Variants in XRCC4 observed in about 807,000 individuals in gnomAD.
XRCC4 encodes DNA repair protein XRCC4.
Under a neutral mutation model 39.1 loss-of-function variants are expected in XRCC4, and 28 were observed. That is an observed-to-expected ratio of 0.72 (90% confidence interval 0.53 to 0.98). The LOEUF is 0.98. XRCC4 is among the 50% of genes least tolerant of loss of function. XRCC4 has a pLI of 0.00. For missense variants in XRCC4, 350 were observed against 376.4 expected, an observed-to-expected ratio of 0.93 and a Z score of 0.58; for synonymous variants, 123 against 126.4, an observed-to-expected ratio of 0.97 and a Z score of 0.18.
chr5:83,251,226 A>T (rs1303086413), intron 6 of XRCC4, among the ~76,000 whole-genome samples: 2 of 152,182 alleles, frequency 1.3e-5, no homozygotes, highest in African/African-American at 2.4e-5. Flanking sequence ...AAGTTTTAAG[A>T]AACAATTTTA....
intron 1 of XRCC4, among the ~76,000 whole-genome samples, chr5:83,097,473 A>G (rs184858326): frequency 4.0e-5 from 6 of 149,372 alleles, no homozygotes; most frequent in Admixed American, 2.6e-4. Flanking sequence ...GAGTGGGGGG[A>G]AAAAAGTACA....
intron 6 of XRCC4, among the ~76,000 whole-genome samples, chr5:83,256,923 A>G (rs1753563055): frequency 6.6e-6 from 1 of 152,180 alleles, no homozygotes. Flanking sequence ...GATAGTAATA[A>G]TAAGTACTTT....
At chr5:83,105,720 G>C (rs1418132337) in intron 2 of XRCC4, among the ~76,000 whole-genome samples, 2 of 151,988 alleles carry the variant, frequency 1.3e-5, no homozygotes, top group Non-Finnish European at 2.9e-5. Flanking sequence ...CTCTTCTAAA[G>C]TATCTTATTG....
chr5:83,188,947 A>G (rs1750573893), intron 3 of XRCC4, among the ~76,000 whole-genome samples: 2 of 152,206 alleles, frequency 1.3e-5, no homozygotes, highest in South Asian at 2.1e-4. Flanking sequence ...AAGATTCTGT[A>G]TAGAAGGAAT....
At chr5:83,285,288 TG>T (rs1754694346) in intron 7 of XRCC4, among the ~76,000 whole-genome samples, 1 of 152,126 alleles carries the variant, frequency 6.6e-6, no homozygotes, top group South Asian at 2.1e-4. Flanking sequence ...CTGGGGTATG[TG>T]GGGCTGGAAT....
chr5:83,282,810 C>T (rs1754593172), intron 7 of XRCC4, among the ~76,000 whole-genome samples: 1 of 151,886 alleles, frequency 6.6e-6, no homozygotes, highest in Non-Finnish European at 1.5e-5. Flanking sequence ...CCACTGCACT[C>T]CAGCCTGGGC....
chr5:83,130,644 A>C lies in XRCC4; in HGVS notation c.315+19441A>C, dbSNP rs570117763. Among the ~76,000 whole-genome samples, 5 of 152,238 alleles carry C rather than the reference A, an allele frequency of 3.3e-5. No homozygotes were observed. In the South Asian group the frequency reaches 1.0e-3, roughly 32 times the overall value. On this transcript the variant is annotated intron_variant, in intron 3 of 7. Coordinates refer to ENST00000396027, the MANE Select transcript of XRCC4 (RefSeq NM_003401.5). ...GGCTATTAATTATTGCCTCAATTTC[A>C]GAACCTGTTATTGGTCTATTCAGGG...
intron 6 of XRCC4, among the ~76,000 whole-genome samples, chr5:83,220,496 G>A (rs6872787): frequency 6.6e-6 from 1 of 151,982 alleles, no homozygotes; most frequent in Non-Finnish European, 1.5e-5. Flanking sequence ...TGTTGCCAGC[G>A]CATCAGCACT....
chr5:83,264,449 T>C (rs1257230754), intron 7 of XRCC4, among the ~76,000 whole-genome samples: 1 of 152,174 alleles, frequency 6.6e-6, no homozygotes, highest in Admixed American at 6.5e-5. Flanking sequence ...ATTATAAAAA[T>C]TAAAACAGTG....
chr5:83,340,286 C>T (rs980962708), intron 7 of XRCC4, among the ~76,000 whole-genome samples: 1 of 151,678 alleles, frequency 6.6e-6, no homozygotes, highest in African/African-American at 2.4e-5. Context: ...GAATAGTAAA[C>T]CACCCACCCT....
intron 3 of XRCC4, among the ~76,000 whole-genome samples, chr5:83,137,807 T>C (rs1320090606): frequency 6.6e-6 from 1 of 152,146 alleles, no homozygotes; most frequent in Non-Finnish European, 1.5e-5. Flanking sequence ...CCTTTAAAAG[T>C]CTTTGTTGTT....
intron 3 of XRCC4, among the ~76,000 whole-genome samples, chr5:83,119,003 G>T (rs1283371363): frequency 3.3e-5 from 5 of 152,020 alleles, no homozygotes; most frequent in Non-Finnish European, 7.4e-5. Flanking sequence ...ATTTTTTAGT[G>T]GAAAATCCAT....
chr5:83,197,025 T>C (rs28360144), intron 4 of XRCC4, among the ~76,000 whole-genome samples: 11,897 of 151,582 alleles, frequency 0.078, 874 homozygotes, highest in African/African-American at 0.19. Context: ...GTTCCTAACA[T>C]CTAGTGTTAT....
chr5:83,240,967 G>C (rs2112845795), intron 6 of XRCC4, among the ~76,000 whole-genome samples: 1 of 152,232 alleles, frequency 6.6e-6, no homozygotes, highest in Non-Finnish European at 1.5e-5. Flanking sequence ...CAGGCGCGGT[G>C]GCTCATGCCT....
intron 6 of XRCC4, among the ~76,000 whole-genome samples, chr5:83,237,619 G>C (rs1022838431): frequency 1.3e-5 from 2 of 151,962 alleles, no homozygotes; most frequent in African/African-American, 4.8e-5. Flanking sequence ...GGGTTAAGGG[G>C]TTCAAAAATA....
At chr5:83,086,330 G>A (rs971911819) in intron 1 of XRCC4, among the ~76,000 whole-genome samples, 14 of 152,114 alleles carry the variant, frequency 9.2e-5, no homozygotes, top group African/African-American at 3.1e-4. Context: ...ACTACTAATA[G>A]TTTATTGTTG....
chr5:83,337,039 A>G (rs563903936), intron 7 of XRCC4, among the ~76,000 whole-genome samples: 1 of 152,282 alleles, frequency 6.6e-6, no homozygotes, highest in South Asian at 2.1e-4. Flanking sequence ...AGCATTTCTA[A>G]AAAGTTTATA....
chr5:83,101,909 C>T (rs1745956826), intron 1 of XRCC4, among the ~76,000 whole-genome samples: 1 of 148,318 alleles, frequency 6.7e-6, no homozygotes, highest in Admixed American at 6.7e-5. Context: ...AAATTACAAA[C>T]AAAGGATAGA....
intron 3 of XRCC4, among the ~76,000 whole-genome samples, chr5:83,135,000 T>G (rs1417661776): frequency 6.6e-6 from 1 of 152,172 alleles, no homozygotes; most frequent in African/African-American, 2.4e-5. Context: ...GAACAAACTC[T>G]GGACACACCA....
Sources: gnomAD v4.1 joint callset for allele counts (sites outside exome capture counted in the v4.1 genomes callset) on GRCh38, gnomAD v4.1.1 for gene constraint, MANE v1.5 for transcripts, NCBI Gene and HGNC (gene_info 2026-07-23, HGNC 2026-07-21) for gene names.